CRHR1: variants seen among roughly 807,000 people sequenced by gnomAD.
CRHR1 encodes corticotropin-releasing hormone receptor 1.
In CRHR1, 28 loss-of-function variants were observed where a neutral mutation model predicts 56.0. The observed-to-expected ratio is 0.50, with a 90% CI of 0.37 to 0.69. The LOEUF (loss-of-function observed/expected upper bound fraction) is 0.69. CRHR1 is among the 30% of genes least tolerant of loss of function. CRHR1 has a pLI of 0.00. For synonymous variants in CRHR1, 195 were observed against 216.5 expected (o/e 0.90, Z 0.87); for missense variants, 376 against 548.0 (o/e 0.69, Z 3.13).
intron 2 of CRHR1, among the ~76,000 whole-genome samples, chr17:45,813,988 G>A (rs966458578): frequency 1.3e-5 from 2 of 152,248 alleles, no homozygotes; most frequent in African/African-American, 4.8e-5. Flanking sequence ...CCTATCCTCA[G>A]TGGCTGGCCT....
chr17:45,802,186 A>G (rs1468950004), intron 1 of CRHR1, among the ~76,000 whole-genome samples: 1 of 152,140 alleles, frequency 6.6e-6, no homozygotes, highest in African/African-American at 2.4e-5. Context: ...TTAGCTGGGC[A>G]TGGTGGTGCA....
At chr17:45,808,711 C>T (rs754358429) in intron 2 of CRHR1, among the ~76,000 whole-genome samples, 1 of 152,206 alleles carries the variant, frequency 6.6e-6, no homozygotes, top group Non-Finnish European at 1.5e-5. Flanking sequence ...TGCAGTGGCA[C>T]AATCATAGTT....
At chr17:45,800,672 C>G (rs2146289405) in intron 1 of CRHR1, 1 of 152,400 alleles carries the variant, frequency 6.6e-6, no homozygotes, top group South Asian at 2.1e-4. Flanking sequence ...TGGGGCTCAG[C>G]AGAAGGGCGA....
chr17:45,806,128 C>G (rs1187163438), intron 1 of CRHR1, among the ~76,000 whole-genome samples: 1 of 152,160 alleles, frequency 6.6e-6, no homozygotes, highest in African/African-American at 2.4e-5. Flanking sequence ...GCTAGACACT[C>G]GGCCTCTCTC....
rs1485682347 is a variant in CRHR1, at chr17:45,834,030, C to T, written c.1089C>T (p.Tyr363=). The T allele has an allele frequency of 6.2e-7, 1 of 1,613,490 alleles. No homozygotes were observed. The highest frequency in any genetic ancestry group is 1.7e-5 in the Admixed American group (1 of 60,010). ...AGGGCTTCTTTGTGTCTGTGTTCTA[C>T]TGTTTCCTCAATAGTGAGGTGAGGA... ...SFQGFFVSVF[Y]CFLNSEVRSA... Residue 363 remains tyrosine (Y), a synonymous_variant, in exon 12 of 13, where the codon TAC becomes TAT. Transcript: ENST00000314537.
intron 6 of CRHR1, 79 bp downstream of exon 6, chr17:45,830,293 G>A (rs924096905): frequency 5.0e-6 from 8 of 1,600,838 alleles, no homozygotes; most frequent in East Asian, 2.2e-5. Flanking sequence ...CTGCAGAGGA[G>A]GAGCCCACAG....
In CRHR1 at chr17:45,788,435, G is replaced by T. The variant is rs182341963; in HGVS notation, c.33+3858G>T. Among the ~76,000 whole-genome samples the T allele has an allele frequency of 2.6e-5, 4 of 152,258 alleles. No individual in the cohort carries two copies. In the East Asian group the frequency reaches 7.7e-4, roughly 29 times the overall value. ...ACATGACCTCACATAGAAAGAGGGG[G>T]GTGCCACGAACTGGATTCCCAGCAC... On this transcript the variant is annotated intron_variant, in intron 1 of 12. Transcript: ENST00000314537.
chr17:45,810,982 T>A (rs1168229265), intron 2 of CRHR1, among the ~76,000 whole-genome samples: 1 of 152,244 alleles, frequency 6.6e-6, no homozygotes, highest in African/African-American at 2.4e-5. Flanking sequence ...GCTCCCCCTC[T>A]GGACAGCCTG....
intron 1 of CRHR1, among the ~76,000 whole-genome samples, chr17:45,785,548 A>G (rs1444017773): frequency 6.6e-6 from 1 of 151,938 alleles, no homozygotes; most frequent in East Asian, 1.9e-4. Flanking sequence ...GGGGCTCGGG[A>G]CTCCGCAGGG....
intron 4 of CRHR1, among the ~76,000 whole-genome samples, chr17:45,822,079 G>T (rs1222373641): frequency 6.6e-6 from 1 of 150,948 alleles, no homozygotes; most frequent in Non-Finnish European, 1.5e-5. Flanking sequence ...GAGTAATTTT[G>T]TATACGTATT....
intron 2 of CRHR1, among the ~76,000 whole-genome samples, chr17:45,815,780 CCCAGTTCAGTGTGT>C (rs67297711): frequency 0.14 from 21,789 of 152,200 alleles, 2,125 homozygotes; most frequent in Middle Eastern, 0.22. Flanking sequence ...GGCCCAGACT[CCCAGTTCAGTGTGT>C]CCTTTCCACT....
intron 3 of CRHR1, among the ~76,000 whole-genome samples, chr17:45,820,806 C>A (rs956221163): frequency 6.6e-6 from 1 of 152,204 alleles, no homozygotes; most frequent in Admixed American, 6.5e-5. Flanking sequence ...CTCTGAGCCC[C>A]CATGTGCAGC....
At chr17:45,814,018 G>C (rs866397884) in intron 2 of CRHR1, among the ~76,000 whole-genome samples, 4 of 152,222 alleles carry the variant, frequency 2.6e-5, no homozygotes, top group African/African-American at 7.2e-5. Flanking sequence ...CTCTGGCCTC[G>C]TCCTCGCTGT....
In CRHR1 at chr17:45,834,728, C is replaced by G; in HGVS notation, c.1212C>G (p.Val404=). 6.2e-7 allele frequency: 1 copy of G among 1,613,836 alleles called. No individual in the cohort carries two copies. The highest frequency in any genetic ancestry group is 8.5e-7 in the Non-Finnish European group (1 of 1,180,000). ...AMSIPTSPTR[V]SFHSIKQSTA... is the part of the protein sequence containing the mutation. ...CCATCCCCACCTCCCCAACCCGTGT[C>G]AGCTTTCACAGCATCAAGCAGTCCA... Residue 404 remains valine, a synonymous_variant, in exon 13 of 13, where the codon GTC becomes GTG. Coordinates refer to ENST00000314537, the MANE Select transcript of CRHR1 (RefSeq NM_004382.5).
chr17:45,789,100 C>T (rs915940468), intron 1 of CRHR1, among the ~76,000 whole-genome samples: 1 of 152,164 alleles, frequency 6.6e-6, no homozygotes, highest in African/African-American at 2.4e-5. Context: ...GAAACTCCAG[C>T]GCTTTTGCCG....
rs75293276 is a variant in CRHR1 at position 45,817,180 on chromosome 17, C to G, written c.241+598C>G. Among the ~76,000 whole-genome samples, 187 of 152,328 alleles carry G rather than the reference C, an allele frequency of 1.2e-3. 1 individual carries two copies. Among genetic ancestry groups the G allele is most frequent in the Middle Eastern group, 3.4e-3 (1 of 292 alleles). ...GATCCTCATGTAAACACCTGGCTCCCCGGAGGCCCGAAACCCCCAGAGCCG... is the reference window on the plus strand; with the variant it reads ...GATCCTCATGTAAACACCTGGCTCCGCGGAGGCCCGAAACCCCCAGAGCCG... On this transcript the variant is annotated intron_variant, in intron 3 of 12. Transcript: ENST00000314537.
At chr17:45,824,680 G>A (rs756862276) in intron 4 of CRHR1, among the ~76,000 whole-genome samples, 2 of 152,194 alleles carry the variant, frequency 1.3e-5, no homozygotes, top group South Asian at 2.1e-4. Context: ...GGAATAGCAC[G>A]GACCTTAGGG....
Position 45,785,074 on chromosome 17 carries a change from A to T in CRHR1, c.33+497A>T, listed in dbSNP as rs566915472. 3.3e-5 allele frequency among the ~76,000 whole-genome samples: 5 copies of T among 151,878 alleles called. No homozygotes were observed. In the South Asian group the frequency reaches 1.0e-3, roughly 32 times the overall value. ...CGCGGCGAGCTGCGAGTCCGGAGAG[A>T]TGAATGCCGCCCGCGCCTGCGAGCC... On this transcript the variant is annotated intron_variant, in intron 1 of 12. Transcript: ENST00000314537.
At chr17:45,823,690 G>A (rs545442354) in intron 4 of CRHR1, among the ~76,000 whole-genome samples, 14 of 152,328 alleles carry the variant, frequency 9.2e-5, no homozygotes, top group East Asian at 3.9e-4. Context: ...GGTATCTGGC[G>A]TGAAACAAAG....
Sources: gnomAD v4.1 joint callset for allele counts (sites outside exome capture counted in the v4.1 genomes callset) on GRCh38, gnomAD v4.1.1 for gene constraint, MANE v1.5 for transcripts, NCBI Gene and HGNC (gene_info 2026-07-23, HGNC 2026-07-21) for gene names.